The following SPTBN1 variants were observed in gnomAD, a reference collection of about 807,000 sequenced individuals.
The protein encoded by SPTBN1 is spectrin beta, non-erythrocytic 1.
In SPTBN1, 32 loss-of-function variants were observed where a neutral mutation model predicts 266.4. The ratio of observed to expected loss-of-function variants is 0.12; its 90% CI spans 0.09 to 0.16. The LOEUF (loss-of-function observed/expected upper bound fraction) is 0.16. Among genes scored for constraint, SPTBN1 ranks in the 10% least tolerant of loss-of-function variants. The pLI, the probability that SPTBN1 is intolerant of heterozygous loss-of-function variation, is 1.00. For missense variants in SPTBN1, 2,296 were observed against 3,067.1 expected (o/e 0.75, Z 5.94); for synonymous variants, 1,336 against 1,162.2 (o/e 1.15, Z -3.04).
At chr2:54,507,741 T>C (rs1194697559) in intron 1 of SPTBN1, among the ~76,000 whole-genome samples, 1 of 151,814 alleles carries the variant, frequency 6.6e-6, no homozygotes, top group Non-Finnish European at 1.5e-5. Context: ...AATGTTGTCA[T>C]ATACCAGGCC....
intron 30 of SPTBN1, 80 bp downstream of exon 30, chr2:54,658,126 C>T (rs1461519225): frequency 6.6e-7 from 1 of 1,526,242 alleles, no homozygotes; most frequent in African/African-American, 1.4e-5. Context: ...CCAGGGAATT[C>T]ACACGATTGC....
chr2:54,578,966 A>G (rs192672606), intron 2 of SPTBN1, among the ~76,000 whole-genome samples: 6 of 152,284 alleles, frequency 3.9e-5, no homozygotes, highest in Non-Finnish European at 2.9e-5. Flanking sequence ...GAAAGGTGCC[A>G]TGTCACCATT....
intron 18 of SPTBN1, among the ~76,000 whole-genome samples, chr2:54,639,974 A>G (rs1291139408): frequency 6.6e-6 from 1 of 152,284 alleles, no homozygotes; most frequent in South Asian, 2.1e-4. Flanking sequence ...ATTAGAAGTT[A>G]GTACAGCCAT....
chr2:54,542,670 T>C (rs145629877), intron 2 of SPTBN1, among the ~76,000 whole-genome samples: 191 of 152,266 alleles, frequency 1.3e-3, no homozygotes, highest in African/African-American at 4.4e-3. Flanking sequence ...AGGGGACTGT[T>C]GTGTTCTTCC....
At chr2:54,632,874 G>A (rs944831801) in intron 17 of SPTBN1, 106 bp downstream of exon 17, 10 of 1,218,658 alleles carry the variant, frequency 8.2e-6, no homozygotes, top group Non-Finnish European at 1.0e-5. Context: ...TTTCCCAGTG[G>A]GCAGAATATG....
At chr2:54,493,091 C>T (rs890293708) in intron 1 of SPTBN1, among the ~76,000 whole-genome samples, 4 of 150,954 alleles carry the variant, frequency 2.6e-5, no homozygotes, top group Non-Finnish European at 4.4e-5. Context: ...CTGCAACCTC[C>T]GCTTCCTGGG....
intron 1 of SPTBN1, among the ~76,000 whole-genome samples, chr2:54,487,723 G>A (rs545024190): frequency 4.6e-5 from 7 of 150,820 alleles, no homozygotes; most frequent in South Asian, 2.1e-4. Flanking sequence ...TTAGGATGTC[G>A]CAGTATCTTT....
At chr2:54,609,352 C>G (rs541209341) in intron 3 of SPTBN1, among the ~76,000 whole-genome samples, 19 of 152,320 alleles carry the variant, frequency 1.2e-4, no homozygotes, top group Admixed American at 3.3e-4. Context: ...TATCCACAAC[C>G]TCTTTCATAA....
chr2:54,571,113 C>T (rs542543590), intron 2 of SPTBN1, among the ~76,000 whole-genome samples: 4 of 152,076 alleles, frequency 2.6e-5, no homozygotes, highest in South Asian at 2.1e-4. Flanking sequence ...GGGAAGTCTG[C>T]GGTGAAGAGT....
chr2:54,627,386 G>T (rs992187340), intron 12 of SPTBN1, among the ~76,000 whole-genome samples: 4 of 152,182 alleles, frequency 2.6e-5, no homozygotes, highest in African/African-American at 4.8e-5. Context: ...GTAGAATGAG[G>T]CCCCCAAATT....
intron 2 of SPTBN1, among the ~76,000 whole-genome samples, chr2:54,572,360 G>A (rs750250414): frequency 2.9e-4 from 44 of 152,170 alleles, no homozygotes; most frequent in Non-Finnish European, 5.0e-4. Flanking sequence ...ATTCTTCTAG[G>A]TGTGGCAGCT....
intron 1 of SPTBN1, among the ~76,000 whole-genome samples, chr2:54,521,869 A>G (rs1558801409): frequency 1.3e-5 from 2 of 151,924 alleles, no homozygotes; most frequent in African/African-American, 2.4e-5. Flanking sequence ...GATAATTTGG[A>G]TACTTTGACT....
chr2:54,583,008 C>CT (rs958361787), intron 2 of SPTBN1, among the ~76,000 whole-genome samples: 1 of 152,158 alleles, frequency 6.6e-6, no homozygotes, highest in Admixed American at 6.5e-5. Context: ...TAAACCCTGA[C>CT]TATAGGGGTG....
At chr2:54,660,162 A>C (rs1680943781) in intron 32 of SPTBN1, 163 bp downstream of exon 32, 1 of 1,523,140 alleles carries the variant, frequency 6.6e-7, no homozygotes, top group Non-Finnish European at 8.8e-7. Flanking sequence ...ACTTCACCCA[A>C]AATGTTAAAA....
chr2:54,624,247 T>G (rs548012091), intron 10 of SPTBN1, among the ~76,000 whole-genome samples: 1 of 152,298 alleles, frequency 6.6e-6, no homozygotes, highest in Non-Finnish European at 1.5e-5. Flanking sequence ...AGTGCTGGAA[T>G]TATAGGCGTG....
At chr2:54,491,562 C>A (rs1205754135) in intron 1 of SPTBN1, among the ~76,000 whole-genome samples, 1 of 152,188 alleles carries the variant, frequency 6.6e-6, no homozygotes, top group Non-Finnish European at 1.5e-5. Context: ...TTCTGTGGTT[C>A]AAGTAATCAT....
In SPTBN1 at chr2:54,646,107, T is replaced by C; in HGVS notation, c.4585-87T>C. 6.2e-7 allele frequency: 1 copy of C among 1,604,466 alleles called. No homozygotes were observed. Among genetic ancestry groups the C allele is most frequent in the East Asian group, 2.2e-5 (1 of 44,772 alleles). The stretch of plus-strand genomic sequence containing the variant: ...ATGGCAGAGAGCTTTGAAGCCTTGC[T>C]ATTTCTTTCTGGCCCTAACAGCTTG... On this transcript the variant is annotated intron_variant, in intron 22 of 35. Transcript: ENST00000356805. This position sits in a 1 kb window ranked among gnomAD's most constrained non-coding sequence, Gnocchi z 4.4.
intron 2 of SPTBN1, among the ~76,000 whole-genome samples, chr2:54,575,341 A>G (rs897625445): frequency 3.9e-5 from 6 of 152,232 alleles, no homozygotes; most frequent in East Asian, 1.9e-4. Flanking sequence ...AGAGGATTCA[A>G]TAATGTCAAT....
At chr2:54,493,001 C>CTTTT (rs70944171) in intron 1 of SPTBN1, among the ~76,000 whole-genome samples, 18 of 112,900 alleles carry the variant, frequency 1.6e-4, no homozygotes, top group African/African-American at 5.0e-4. Flanking sequence ...AATAACATAT[C>CTTTT]TTTTTTTTTT....
Sources: allele counts gnomAD v4.1 joint callset (sites outside exome capture counted in the v4.1 genomes callset), GRCh38; gene constraint gnomAD v4.1.1; non-coding constraint Gnocchi (gnomAD v3.1); transcripts MANE v1.5; gene names NCBI Gene and HGNC (gene_info 2026-07-23, HGNC 2026-07-21).